CDH13: variants seen among roughly 807,000 people sequenced by gnomAD.
The protein encoded by CDH13 is cadherin-13.
A neutral mutation model predicts 63.8 loss-of-function variants in CDH13; 24 were observed. The observed-to-expected ratio is 0.38, with a 90% CI of 0.27 to 0.53. The LOEUF (loss-of-function observed/expected upper bound fraction) is 0.53. Among genes scored for constraint, CDH13 ranks in the 20% least tolerant of loss-of-function variants. CDH13 has a pLI of 0.85. For synonymous variants in CDH13, 503 were observed against 355.3 expected, an observed-to-expected ratio of 1.42 and a Z score of -4.67; for missense variants, 1,049 against 903.1, an observed-to-expected ratio of 1.16 and a Z score of -2.07.
intron 1 of CDH13, among the ~76,000 whole-genome samples, chr16:82,718,190 A>G (rs539858790): frequency 6.6e-6 from 1 of 152,206 alleles, no homozygotes; most frequent in Non-Finnish European, 1.5e-5. Flanking sequence ...GCTGAATCCC[A>G]CTGGGGACTC....
rs528932554 is a variant in CDH13, at chr16:82,647,288, G to C, written c.45+20151G>C. 1.1e-4 allele frequency among the ~76,000 whole-genome samples: 17 copies of C among 152,312 alleles called. No homozygotes were observed. In the East Asian group the frequency reaches 2.7e-3, roughly 24 times the overall value. ...AAGCTGGATGTGTTTACGTACATGA[G>C]GAAATGGACAGATAGGACTTAACAG... On this transcript the variant is annotated intron_variant, in intron 1 of 13. Transcript: ENST00000567109.
At chr16:83,457,966 C>G (rs2073068675) in intron 6 of CDH13, among the ~76,000 whole-genome samples, 1 of 152,208 alleles carries the variant, frequency 6.6e-6, no homozygotes, top group Non-Finnish European at 1.5e-5. Flanking sequence ...CTGGTAAAGC[C>G]TGAGCAGAAA....
intron 5 of CDH13, among the ~76,000 whole-genome samples, chr16:83,284,010 A>C (rs1375836807): frequency 6.6e-6 from 1 of 152,240 alleles, no homozygotes; most frequent in African/African-American, 2.4e-5. Context: ...GTATCTTTAC[A>C]CAAGCCTAGA....
At chr16:82,819,848 T>C (rs1351329484) in intron 1 of CDH13, among the ~76,000 whole-genome samples, 1 of 152,138 alleles carries the variant, frequency 6.6e-6, no homozygotes, top group Non-Finnish European at 1.5e-5. Flanking sequence ...ACAACTAATA[T>C]ATAAATAAGT....
chr16:83,576,960 C>G (rs1180724313), intron 7 of CDH13, among the ~76,000 whole-genome samples: 2 of 152,164 alleles, frequency 1.3e-5, no homozygotes, highest in African/African-American at 2.4e-5. Flanking sequence ...TTTTCACTTT[C>G]TTTATAATGT....
chr16:83,039,218 C>G (rs750574592), intron 3 of CDH13, among the ~76,000 whole-genome samples: 1 of 152,230 alleles, frequency 6.6e-6, no homozygotes, highest in African/African-American at 2.4e-5. Flanking sequence ...CACTTCGCTC[C>G]TCTGCTTAAT....
In CDH13 at chr16:83,092,269, G is replaced by T. The variant is rs945054878; in HGVS notation, c.367-33116G>T. 2.6e-5 allele frequency among the ~76,000 whole-genome samples: 4 copies of T among 152,216 alleles called. No individual in the cohort carries two copies. In the East Asian group the frequency reaches 7.7e-4, roughly 29 times the overall value. The stretch of plus-strand genomic sequence containing the variant: ...ACCTAAATTTTCTAATTCAAGTCCA[G>T]TAGGGTCTGCCTTAAATGCCTCCCA... On this transcript the variant is annotated intron_variant, in intron 3 of 13. Transcript: ENST00000567109.
intron 2 of CDH13, among the ~76,000 whole-genome samples, chr16:83,005,029 C>G (rs925613875): frequency 2.6e-5 from 4 of 152,172 alleles, no homozygotes; most frequent in African/African-American, 9.7e-5. Context: ...TCTCCTAATG[C>G]TCCCTTTCAT....
intron 8 of CDH13, among the ~76,000 whole-genome samples, chr16:83,606,002 TGAG>T (rs1462131069): frequency 6.6e-6 from 1 of 152,150 alleles, no homozygotes; most frequent in Non-Finnish European, 1.5e-5. Context: ...GAGCTCCTAA[TGAG>T]GACTGGCTCA....
chr16:83,160,525 C>T (rs1422942446), intron 4 of CDH13, among the ~76,000 whole-genome samples: 3 of 152,176 alleles, frequency 2.0e-5, no homozygotes, highest in Admixed American at 6.5e-5. Flanking sequence ...TGACCCATGA[C>T]GTATGGACGT....
intron 2 of CDH13, among the ~76,000 whole-genome samples, chr16:82,860,789 T>G (rs951997556): frequency 6.6e-6 from 1 of 152,192 alleles, no homozygotes. Context: ...GAATGCCTAT[T>G]GAAAATAGTT....
chr16:83,671,034 C>T lies in CDH13; in HGVS notation c.1284+62C>T, dbSNP rs1438137963. The T allele has an allele frequency of 2.2e-6, 3 of 1,374,186 alleles. No homozygotes were observed. In the Admixed American group the frequency reaches 6.8e-5, roughly 31 times the overall value. 85.1% of individuals were successfully genotyped at this position (1,374,186 alleles called of 1,614,324 possible). ...GAGCACGGAGGGCCCCATGAGGCAG[C>T]TCATAGAATCATTGAGTTTAGAAGG... is the stretch of plus-strand genomic sequence containing the variant. On this transcript the variant is annotated intron_variant, in intron 9 of 13. Coordinates refer to ENST00000567109, the MANE Select transcript of CDH13 (RefSeq NM_001257.5).
At chr16:83,033,962 T>A (rs1916616795) in intron 3 of CDH13, among the ~76,000 whole-genome samples, 1 of 152,128 alleles carries the variant, frequency 6.6e-6, no homozygotes, top group East Asian at 1.9e-4. Context: ...ACATCCCTGC[T>A]TGATCTACTC....
At chr16:82,839,279 C>G (rs1433612248) in intron 1 of CDH13, among the ~76,000 whole-genome samples, 1 of 152,176 alleles carries the variant, frequency 6.6e-6, no homozygotes, top group South Asian at 2.1e-4. Flanking sequence ...CCCTGGCCCT[C>G]TAGGCTTAGA....
At chr16:83,589,616 C>T (rs970970719) in intron 7 of CDH13, among the ~76,000 whole-genome samples, 2 of 151,940 alleles carry the variant, frequency 1.3e-5, no homozygotes, top group South Asian at 2.1e-4. Flanking sequence ...ATAGAAGATA[C>T]GAGAGCTTCT....
At chr16:82,997,158 A>G (rs1442344399) in intron 2 of CDH13, among the ~76,000 whole-genome samples, 3 of 150,686 alleles carry the variant, frequency 2.0e-5, no homozygotes, top group African/African-American at 4.9e-5. Context: ...GATGATGGTG[A>G]TGATAGTGAT....
At chr16:83,291,084 C>T (rs1176606315) in intron 5 of CDH13, among the ~76,000 whole-genome samples, 1 of 152,152 alleles carries the variant, frequency 6.6e-6, no homozygotes, top group Non-Finnish European at 1.5e-5. Flanking sequence ...CTCTATGAGA[C>T]TACCCGTTGT....
At chr16:82,986,776 A>G (rs1253770555) in intron 2 of CDH13, among the ~76,000 whole-genome samples, 2 of 152,234 alleles carry the variant, frequency 1.3e-5, no homozygotes, top group Admixed American at 6.5e-5. Flanking sequence ...CAAGGTGATG[A>G]ATGTCTACAA....
intron 7 of CDH13, among the ~76,000 whole-genome samples, chr16:83,546,741 C>T (rs757431165): frequency 2.6e-5 from 4 of 152,238 alleles, no homozygotes; most frequent in Middle Eastern, 3.4e-3. Context: ...CAGCCATCTG[C>T]ATAACAGCAG....
Sources: gnomAD v4.1 joint callset for allele counts (sites outside exome capture counted in the v4.1 genomes callset) on GRCh38, gnomAD v4.1.1 for gene constraint, MANE v1.5 for transcripts, NCBI Gene and HGNC (gene_info 2026-07-23, HGNC 2026-07-21) for gene names.